Variants in PPM1H observed in about 807,000 individuals in gnomAD.
PPM1H encodes the protein protein phosphatase, Mg2+/Mn2+ dependent 1H, also known as protein phosphatase 1H.
In PPM1H, 27 loss-of-function variants were observed where a neutral mutation model predicts 54.9. The observed-to-expected ratio is 0.49, with a 90% CI of 0.36 to 0.68. The LOEUF (loss-of-function observed/expected upper bound fraction) is 0.68, where lower values mean the gene tolerates loss of function less well. Among genes scored for constraint, PPM1H ranks in the 30% least tolerant of loss-of-function variants. The pLI, the probability that PPM1H is intolerant of heterozygous loss-of-function variation, is 0.00. For missense variants in PPM1H, 596 were observed against 667.8 expected (o/e 0.89, Z 1.19); for synonymous variants, 305 against 270.8 (o/e 1.13, Z -1.24).
intron 5 of PPM1H, among the ~76,000 whole-genome samples, chr12:62,731,921 A>G (rs768654183): frequency 9.9e-5 from 15 of 152,132 alleles, no homozygotes; most frequent in South Asian, 2.1e-4. Context: ...CCTTGAGGCC[A>G]CAGTATCAGA....
chr12:62,931,051 A>G (rs973265273), intron 1 of PPM1H, among the ~76,000 whole-genome samples: 18 of 152,234 alleles, frequency 1.2e-4, no homozygotes, highest in African/African-American at 4.1e-4. Flanking sequence ...TATAGCCTAT[A>G]GAGTCTCTCT....
intron 1 of PPM1H, among the ~76,000 whole-genome samples, chr12:62,852,623 A>G (rs1869238262): frequency 6.6e-6 from 1 of 152,254 alleles, no homozygotes; most frequent in Admixed American, 6.5e-5. Flanking sequence ...CTGCAATGAC[A>G]TAATTGGTTT....
intron 4 of PPM1H, among the ~76,000 whole-genome samples, chr12:62,743,359 A>T (rs1191970340): frequency 6.6e-6 from 1 of 152,106 alleles, no homozygotes; most frequent in South Asian, 2.1e-4. Flanking sequence ...TCTCAAAAAC[A>T]AAAACAAAAC....
intron 8 of PPM1H, among the ~76,000 whole-genome samples, chr12:62,678,410 C>T (rs947354293): frequency 6.6e-6 from 1 of 152,232 alleles, no homozygotes; most frequent in Non-Finnish European, 1.5e-5. Flanking sequence ...TTGACACATA[C>T]AGGTTGGTTT....
At chr12:62,767,517 A>G (rs1175998415) in intron 4 of PPM1H, among the ~76,000 whole-genome samples, 7 of 152,168 alleles carry the variant, frequency 4.6e-5, no homozygotes, top group Non-Finnish European at 1.0e-4. Flanking sequence ...TGTTCATTTC[A>G]CACATGAAAT....
intron 2 of PPM1H, among the ~76,000 whole-genome samples, chr12:62,820,036 C>T (rs2120810753): frequency 6.6e-6 from 1 of 152,348 alleles, no homozygotes; most frequent in Admixed American, 6.5e-5. Flanking sequence ...GAATCCATGG[C>T]AGATTGTACC....
At chr12:62,666,792 C>A (rs1230427132) in intron 9 of PPM1H, among the ~76,000 whole-genome samples, 2 of 152,160 alleles carry the variant, frequency 1.3e-5, no homozygotes, top group East Asian at 3.9e-4. Context: ...CAGCTCACTG[C>A]AACCTCTACC....
intron 1 of PPM1H, among the ~76,000 whole-genome samples, chr12:62,927,064 T>C (rs996745598): frequency 2.6e-5 from 4 of 152,240 alleles, no homozygotes; most frequent in Non-Finnish European, 4.4e-5. Flanking sequence ...CAGATTACAA[T>C]GAAGTATATT....
chr12:62,730,301 G>T (rs532860791), intron 5 of PPM1H, among the ~76,000 whole-genome samples: 1 of 152,288 alleles, frequency 6.6e-6, no homozygotes. Flanking sequence ...TGCTATGCAC[G>T]CTCTGGTCTT....
At chr12:62,650,962 T>G (rs2075812970) in intron 9 of PPM1H, among the ~76,000 whole-genome samples, 1 of 152,140 alleles carries the variant, frequency 6.6e-6, no homozygotes, top group East Asian at 1.9e-4. Flanking sequence ...ATATGAGACA[T>G]AAACACATGG....
chr12:62,668,357 C>T (rs2075932512), intron 8 of PPM1H, among the ~76,000 whole-genome samples: 4 of 152,156 alleles, frequency 2.6e-5, no homozygotes, highest in South Asian at 4.1e-4. Flanking sequence ...TCCCCTTCAG[C>T]CTCCCTTATT....
chr12:62,914,754 G>T (rs772570), intron 1 of PPM1H, among the ~76,000 whole-genome samples: 94,744 of 152,094 alleles, frequency 0.62, 30,070 homozygotes, highest in Non-Finnish European at 0.68. Context: ...TGGCCAGAAC[G>T]AGTCACATGG....
At chr12:62,902,587 G>A (rs913453318) in intron 1 of PPM1H, among the ~76,000 whole-genome samples, 17 of 152,152 alleles carry the variant, frequency 1.1e-4, no homozygotes, top group African/African-American at 3.6e-4. Flanking sequence ...TAGCCTACCT[G>A]AGTCAAAATC....
At chr12:62,716,451 G>A (rs902086961) in intron 6 of PPM1H, among the ~76,000 whole-genome samples, 32 of 152,178 alleles carry the variant, frequency 2.1e-4, no homozygotes, top group African/African-American at 5.5e-4. Context: ...TTACCATGAT[G>A]ATTAGTGGAA....
Position 62,754,911 on chromosome 12 carries a change from C to T in PPM1H, c.870-17325G>A, listed in dbSNP as rs749928975. Reference sequence around the variant, plus strand: ...TGATTCAGCTCTGTGGCATGGCTGTCGGGAGAGTGAGGGTAGGTTTTAAGG... The same window carrying T: ...TGATTCAGCTCTGTGGCATGGCTGTTGGGAGAGTGAGGGTAGGTTTTAAGG... On this transcript the variant is annotated intron_variant, in intron 4 of 9. Transcript: ENST00000228705. Among the ~76,000 whole-genome samples the T allele has an allele frequency of 1.9e-4, 29 of 152,158 alleles. 1 individual carries two copies. Among genetic ancestry groups the T allele is most frequent in the African/African-American group, 6.7e-4 (28 of 41,512 alleles).
chr12:62,750,297 A>C (rs1315154677), intron 4 of PPM1H, among the ~76,000 whole-genome samples: 1 of 152,210 alleles, frequency 6.6e-6, no homozygotes, highest in Non-Finnish European at 1.5e-5. Context: ...CTTCGTTCTA[A>C]GCCCTTGCAA....
At position 62,714,603 on chromosome 12, in the gene PPM1H, G is replaced by A. The variant is rs1426763022; in HGVS notation, c.1073+5568C>T. Among the ~76,000 whole-genome samples, 4 of 152,202 alleles carry A rather than the reference G, an allele frequency of 2.6e-5. 1 individual carries two copies. The highest frequency in any genetic ancestry group is 2.0e-4 in the Admixed American group (3 of 15,278). ...TTAGAGGTTCGCAGCAATGGTCAGAGGAAGTATTTACGAGAGACCTAGGCC... is the reference window on the plus strand; with the variant it reads ...TTAGAGGTTCGCAGCAATGGTCAGAAGAAGTATTTACGAGAGACCTAGGCC... On this transcript the variant is annotated intron_variant, in intron 6 of 9. Coordinates refer to ENST00000228705, the MANE Select transcript of PPM1H (RefSeq NM_020700.2).
intron 5 of PPM1H, among the ~76,000 whole-genome samples, chr12:62,734,345 G>C (rs1018382590): frequency 1.1e-4 from 17 of 152,122 alleles, no homozygotes; most frequent in African/African-American, 4.1e-4. Context: ...ATTTGTAGTG[G>C]TAAGACTTTA....
At chr12:62,923,854 C>A (rs530425047) in intron 1 of PPM1H, among the ~76,000 whole-genome samples, 48 of 152,254 alleles carry the variant, frequency 3.2e-4, no homozygotes, top group African/African-American at 1.1e-3. Context: ...AGTTTAGAAC[C>A]CCAAAGGGCA....
Sources: allele counts gnomAD v4.1 joint callset (sites outside exome capture counted in the v4.1 genomes callset), GRCh38; gene constraint gnomAD v4.1.1; transcripts MANE v1.5; gene names NCBI Gene and HGNC (gene_info 2026-07-23, HGNC 2026-07-21).